The following RLF variants were observed in gnomAD, a reference collection of about 807,000 sequenced individuals.
RLF encodes the protein zinc finger protein Rlf.
In RLF, 7 loss-of-function variants were observed where a neutral mutation model predicts 162.9. That is an observed-to-expected ratio of 0.04 (90% CI 0.02 to 0.08). The LOEUF (loss-of-function observed/expected upper bound fraction) is 0.08, where lower values mean the gene tolerates loss of function less well. RLF is among the 10% of genes least tolerant of loss of function. The pLI, the probability that RLF is intolerant of heterozygous loss-of-function variation, is 1.00. For synonymous variants in RLF, 782 were observed against 791.5 expected, an observed-to-expected ratio of 0.99 and a Z score of 0.20; for missense variants, 1,664 against 2,244.7, an observed-to-expected ratio of 0.74 and a Z score of 5.23.
intron 3 of RLF, among the ~76,000 whole-genome samples, chr1:40,191,092 A>G (rs1295890195): frequency 1.3e-5 from 2 of 152,244 alleles, no homozygotes; most frequent in East Asian, 1.9e-4. Context: ...TTATTCAAAC[A>G]TAAAGTTTAG....
chr1:40,170,159 G>T (rs1330907404), intron 1 of RLF, among the ~76,000 whole-genome samples: 2 of 152,128 alleles, frequency 1.3e-5, no homozygotes, highest in East Asian at 3.9e-4. Context: ...ATAAAGCAAA[G>T]TGCAGAGGTG....
intron 3 of RLF, among the ~76,000 whole-genome samples, chr1:40,194,914 A>C (rs1642611023): frequency 6.6e-6 from 1 of 151,522 alleles, no homozygotes; most frequent in African/African-American, 2.4e-5. Context: ...GCTCACTGCA[A>C]CCTCTGCCTC....
At position 40,235,792 on chromosome 1, in the gene RLF, G is replaced by T. The variant is rs1325655891; in HGVS notation, c.1090G>T (p.Ala364Ser). ...TTTTTTTATCCTCTTTTACTTACAG[G>T]CACAAGATGCTGGTCTTGGGGTGTC... ...FCLIRVIQTEAQDAGLGVSIL... is the reference protein window; with the variant it reads ...FCLIRVIQTESQDAGLGVSIL... The change falls in exon 8 of 8, where the codon GCA (alanine) becomes TCA (serine). Residue 364 changes from alanine to serine, a missense_variant and splice_region_variant. Ala to Ser is a moderately conservative substitution (Grantham distance 99). Transcript: ENST00000372771. 6.5e-7 allele frequency: 1 copy of T among 1,535,996 alleles called. No homozygotes were observed. The highest frequency in any genetic ancestry group is 8.7e-7 in the Non-Finnish European group (1 of 1,145,256).
intron 1 of RLF, among the ~76,000 whole-genome samples, chr1:40,168,054 A>T (rs969428913): frequency 2.0e-5 from 3 of 147,232 alleles, no homozygotes; most frequent in African/African-American, 5.4e-5. Context: ...AAAAAAAAAA[A>T]TTAAAAATTA....
At chr1:40,221,667 A>G (rs377205211) in intron 5 of RLF, among the ~76,000 whole-genome samples, 20 of 151,592 alleles carry the variant, frequency 1.3e-4, no homozygotes, top group East Asian at 7.8e-4. Flanking sequence ...TTGGGAGGCC[A>G]AGGCGGGTGA....
At chr1:40,188,009 A>T (rs985056309) in intron 1 of RLF, among the ~76,000 whole-genome samples, 1 of 152,216 alleles carries the variant, frequency 6.6e-6, no homozygotes, top group Admixed American at 6.5e-5. Context: ...GCCTATTAGG[A>T]ACTCCCTAGC....
At chr1:40,225,472 T>TTG in intron 6 of RLF, among the ~76,000 whole-genome samples, 1 of 148,304 alleles carries the variant, frequency 6.7e-6, no homozygotes, top group Admixed American at 6.8e-5. Flanking sequence ...CCAGCTACCC[T>TTG]GGAGGCTGAG....
chr1:40,238,342 C>T lies in RLF; in HGVS notation c.3640C>T (p.His1214Tyr), dbSNP rs1643244688. 1 of 1,613,956 alleles carries T rather than the reference C, an allele frequency of 6.2e-7. No homozygotes were observed. Among genetic ancestry groups the T allele is most frequent in the East Asian group, 2.2e-5 (1 of 44,890 alleles). ...ACTATTAGATAATGAAAAGTGTGAT[C>T]ATGAAGGCCCATGTTCAGTAGATAG... ...HKLLDNEKCDHEGPCSVDRLK... is the reference protein window; with the variant it reads ...HKLLDNEKCDYEGPCSVDRLK... The change falls in exon 8 of 8, where the codon CAT becomes TAT. Residue 1214 changes from histidine to tyrosine, a missense_variant. Physicochemically the swap from His to Tyr is moderately conservative, Grantham distance 83. Around this residue, in one of 15 missense-constraint regions of RLF, gnomAD observed 102 missense variants for 109.5 expected, o/e 0.93. Coordinates refer to ENST00000372771, the MANE Select transcript of RLF (RefSeq NM_012421.4). This position sits in a 1 kb window ranked among gnomAD's most constrained non-coding sequence, Gnocchi z 5.2.
At chr1:40,180,795 A>G (rs948808192) in intron 1 of RLF, among the ~76,000 whole-genome samples, 7 of 152,210 alleles carry the variant, frequency 4.6e-5, no homozygotes, top group Non-Finnish European at 8.8e-5. Flanking sequence ...ATATTAATCC[A>G]TCAACAGATA....
rs1033547199 is a variant in RLF at position 40,190,720 on chromosome 1, T to G, written c.393-52T>G. The G allele has an allele frequency of 3.5e-6, 4 of 1,141,966 alleles. No homozygotes were observed. In the African/African-American group the frequency reaches 6.1e-5, roughly 18 times the overall value. 70.7% of individuals were successfully genotyped at this position (1,141,966 alleles called of 1,614,324 possible). A position where few individuals can be genotyped will look rare whatever the true frequency, so the allele number is the denominator to read the frequency against. Reference sequence around the variant, plus strand: ...GATTTTTAGTATTGCTGTCATACTCTACTTAATTATTACTATAACCACCTT... The same window carrying G: ...GATTTTTAGTATTGCTGTCATACTCGACTTAATTATTACTATAACCACCTT... On this transcript the variant is annotated intron_variant, in intron 2 of 7. Coordinates refer to ENST00000372771, the MANE Select transcript of RLF (RefSeq NM_012421.4).
chr1:40,232,262 GTTTAAA>G (rs1643162344), intron 7 of RLF, among the ~76,000 whole-genome samples: 1 of 150,126 alleles, frequency 6.7e-6, no homozygotes, highest in South Asian at 2.1e-4. Flanking sequence ...GAACTTGCCT[GTTTAAA>G]CAATTACTTT....
Position 40,236,081 on chromosome 1 carries a change from A to G in RLF, c.1379A>G (p.Lys460Arg). The G allele has an allele frequency of 6.2e-7, 1 of 1,614,134 alleles. No individual in the cohort carries two copies. The highest frequency in any genetic ancestry group is 8.5e-7 in the Non-Finnish European group (1 of 1,180,020). ...CGATGTGAGCTCTTACTAGCTTTAA[A>G]AGCCCACTGGCCTTTTGATCCTGAG... Reference protein sequence around the residue: ...SLRCELLLALKAHWPFDPEFW... With the variant: ...SLRCELLLALRAHWPFDPEFW... The change falls in exon 8 of 8, where the codon AAA becomes AGA. Residue 460 changes from lysine to arginine, a missense_variant. Physicochemically the swap from Lys to Arg is conservative, Grantham distance 26. Transcript: ENST00000372771. The surrounding 1 kb of genome is among the most constrained non-coding windows in gnomAD (Gnocchi z 7.7).
intron 5 of RLF, among the ~76,000 whole-genome samples, chr1:40,213,192 A>C (rs1043831098): frequency 6.6e-6 from 1 of 152,224 alleles, no homozygotes; most frequent in African/African-American, 2.4e-5. Flanking sequence ...CCTAAAGCAC[A>C]GTTCTTTCAA....
At chr1:40,168,570 A>G (rs534693518) in intron 1 of RLF, among the ~76,000 whole-genome samples, 1 of 152,298 alleles carries the variant, frequency 6.6e-6, no homozygotes, top group South Asian at 2.1e-4. Context: ...TTTTTTGTCA[A>G]CCAGTTTATC....
At chr1:40,162,109 A>G (rs1570505845) in intron 1 of RLF, among the ~76,000 whole-genome samples, 3 of 151,740 alleles carry the variant, frequency 2.0e-5, no homozygotes, top group South Asian at 2.1e-4. Context: ...CCTAAAAGGT[A>G]TGACAGTTGG....
At chr1:40,233,150 G>A (rs763440471) in intron 7 of RLF, among the ~76,000 whole-genome samples, 9 of 150,798 alleles carry the variant, frequency 6.0e-5, no homozygotes, top group Admixed American at 1.3e-4. Context: ...ATGTGCGCTT[G>A]CAACAGTATG....
At position 40,211,779 on chromosome 1, in the gene RLF, G is replaced by A. The variant is rs551726296; in HGVS notation, c.810+9165G>A. Among the ~76,000 whole-genome samples the A allele has an allele frequency of 1.5e-4, 23 of 150,680 alleles. No homozygotes were observed. In the South Asian group the frequency reaches 2.7e-3, roughly 18 times the overall value. ...TGGGATTACGGGCACGTGCCACCAC[G>A]CCTGGCTAATTTTTGTATTTTTAGT... On this transcript the variant is annotated intron_variant, in intron 5 of 7. Coordinates refer to ENST00000372771, the MANE Select transcript of RLF (RefSeq NM_012421.4).
At chr1:40,179,684 A>G (rs1343165700) in intron 1 of RLF, among the ~76,000 whole-genome samples, 2 of 151,912 alleles carry the variant, frequency 1.3e-5, no homozygotes, top group African/African-American at 2.4e-5. Context: ...CCATCCATCC[A>G]TCCATCTCCA....
intron 5 of RLF, among the ~76,000 whole-genome samples, chr1:40,204,226 A>G (rs184881403): frequency 1.3e-5 from 2 of 152,142 alleles, no homozygotes; most frequent in East Asian, 3.9e-4. Context: ...CATCTTGGCC[A>G]GGCTGGTCTT....
Sources: gnomAD v4.1 joint callset for allele counts (sites outside exome capture counted in the v4.1 genomes callset) on GRCh38, gnomAD v4.1.1 for gene constraint, gnomAD v4.1.1 regional missense constraint, Gnocchi (gnomAD v3.1) non-coding constraint, MANE v1.5 for transcripts, NCBI Gene and HGNC (gene_info 2026-07-23, HGNC 2026-07-21) for gene names.